The following LYN variants were observed in gnomAD, a reference collection of about 807,000 sequenced individuals.
LYN encodes the protein tyrosine-protein kinase Lyn.
A neutral mutation model predicts 65.0 loss-of-function variants in LYN; 12 were observed. The ratio of observed to expected loss-of-function variants is 0.18; its 90% CI spans 0.12 to 0.30. LYN has a LOEUF of 0.30. Ranked by LOEUF, LYN falls within the 10% of genes least tolerant of loss-of-function variation. LYN has a pLI of 1.00. For missense variants in LYN, 380 were observed against 623.2 expected (o/e 0.61, Z 4.16); for synonymous variants, 222 against 221.2 (o/e 1.00, Z -0.03).
chr8:55,923,194 A>C (rs1805994862), intron 1 of LYN, among the ~76,000 whole-genome samples: 1 of 152,172 alleles, frequency 6.6e-6, no homozygotes, highest in African/African-American at 2.4e-5. Context: ...GTAATTTAAA[A>C]ATTTTTTGAA....
intron 1 of LYN, among the ~76,000 whole-genome samples, chr8:55,925,273 C>T (rs1806074188): frequency 6.6e-6 from 1 of 151,996 alleles, no homozygotes; most frequent in African/African-American, 2.4e-5. Context: ...CAGGCGTACA[C>T]CACCATGCCT....
At chr8:55,982,563 C>T (rs1035281070) in intron 10 of LYN, among the ~76,000 whole-genome samples, 6 of 152,154 alleles carry the variant, frequency 3.9e-5, no homozygotes, top group African/African-American at 7.2e-5. Context: ...TTGGAGTCCA[C>T]GCCATCAGAC....
intron 10 of LYN, among the ~76,000 whole-genome samples, chr8:55,976,039 A>G (rs1807742242): frequency 6.6e-6 from 1 of 152,122 alleles, no homozygotes; most frequent in Admixed American, 6.5e-5. Context: ...GTGCTACCGT[A>G]AGTCACAAAA....
At chr8:55,961,242 G>A (rs943859468) in intron 8 of LYN, among the ~76,000 whole-genome samples, 5 of 152,120 alleles carry the variant, frequency 3.3e-5, no homozygotes, top group African/African-American at 1.2e-4. Context: ...TGCCACATCA[G>A]CTTTCTTTAA....
rs2130605977 is a variant in LYN at position 56,010,735 on chromosome 8, A to T, written c.*625A>T. The stretch of plus-strand genomic sequence containing the variant: ...TGAACACTGCTCAGACCTGCTAGAC[A>T]TGCCATAGGAGTGGCGTGCACATCT... On this transcript the variant is annotated 3_prime_UTR_variant, in exon 13 of 13. Coordinates refer to ENST00000519728, the MANE Select transcript of LYN (RefSeq NM_002350.4). 4.4e-6 allele frequency: 1 copy of T among 225,152 alleles called. No homozygotes were observed. Among genetic ancestry groups the T allele is most frequent in the African/African-American group, 2.3e-5 (1 of 44,414 alleles). 13.9% of individuals were successfully genotyped at this position (225,152 alleles called of 1,614,324 possible).
chr8:55,907,282 A>G (rs1175414040), intron 1 of LYN, among the ~76,000 whole-genome samples: 1 of 152,216 alleles, frequency 6.6e-6, no homozygotes, highest in African/African-American at 2.4e-5. Flanking sequence ...TATATTCAAC[A>G]CTGATTGAAT....
At chr8:55,896,153 C>T (rs2130372012) in intron 1 of LYN, among the ~76,000 whole-genome samples, 1 of 151,836 alleles carries the variant, frequency 6.6e-6, no homozygotes, top group Admixed American at 6.6e-5. Flanking sequence ...CCCTGTCATC[C>T]TAGCTGCTCT....
At chr8:55,946,360 C>A in intron 2 of LYN, 88 bp from the exon 3 acceptor site, 1 of 841,798 alleles carries the variant, frequency 1.2e-6, no homozygotes, top group Non-Finnish European at 2.0e-6. Context: ...CTAACATCTG[C>A]TACTGTTACA....
At chr8:55,936,233 T>A (rs1462074352) in intron 1 of LYN, among the ~76,000 whole-genome samples, 1 of 152,178 alleles carries the variant, frequency 6.6e-6, no homozygotes, top group African/African-American at 2.4e-5. Flanking sequence ...CACCTCTATT[T>A]CCCCAGGCTT....
At chr8:55,929,870 T>C (rs1806209749) in intron 1 of LYN, among the ~76,000 whole-genome samples, 1 of 152,212 alleles carries the variant, frequency 6.6e-6, no homozygotes, top group South Asian at 2.1e-4. Flanking sequence ...GTCCTCTAGA[T>C]CAGGCATCCC....
At chr8:55,981,474 A>G (rs1807920042) in intron 10 of LYN, among the ~76,000 whole-genome samples, 1 of 152,204 alleles carries the variant, frequency 6.6e-6, no homozygotes, top group South Asian at 2.1e-4. Context: ...TCTGCTTCAT[A>G]CAGCTCTGAA....
rs548351760 is a variant in LYN, at chr8:56,001,058, G to C, written c.1336+1509G>C. Among the ~76,000 whole-genome samples the C allele has an allele frequency of 7.9e-5, 12 of 152,156 alleles. No individual in the cohort carries two copies. The South Asian group carries it at 8.3e-4, about 11-fold the overall frequency. On this transcript the variant is annotated intron_variant, in intron 12 of 12. Coordinates refer to ENST00000519728, the MANE Select transcript of LYN (RefSeq NM_002350.4). ...AGGGATTGGCGAGTACTCACAGAAG[G>C]GGGTGGGGAGCTGCTGGTTTTATTC...
chr8:55,916,699 T>C (rs1167885511), intron 1 of LYN, among the ~76,000 whole-genome samples: 1 of 152,202 alleles, frequency 6.6e-6, no homozygotes, highest in Non-Finnish European at 1.5e-5. Flanking sequence ...TCTGGCTCCA[T>C]ACTGGAAATG....
At chr8:55,983,011 C>G (rs535025234) in intron 10 of LYN, among the ~76,000 whole-genome samples, 3 of 152,082 alleles carry the variant, frequency 2.0e-5, no homozygotes, top group Non-Finnish European at 4.4e-5. Flanking sequence ...CCATGTCACA[C>G]GCACCTGGTA....
chr8:55,964,339 T>G (rs1218631522), intron 8 of LYN, among the ~76,000 whole-genome samples: 1 of 152,124 alleles, frequency 6.6e-6, no homozygotes, highest in African/African-American at 2.4e-5. Context: ...ATTACAGGCA[T>G]GAACCACCTT....
rs1450616523 is a variant in LYN, at chr8:55,952,082, C to G, written c.604C>G (p.Pro202Ala). 8 of 1,601,270 alleles carry G rather than the reference C, an allele frequency of 5.0e-6. No homozygotes were observed. Residue 202 changes from proline to alanine, a missense_variant, in exon 7 of 13, where the codon CCC becomes GCC. Physicochemically the swap from Pro to Ala is conservative, Grantham distance 27. Transcript: ENST00000519728. ...TTACATCTCTCCACGAATCACTTTT[C>G]CCTGTATCAGCGACATGATTAAACA... is the stretch of plus-strand genomic sequence containing the variant. ...GYYISPRITF[P>A]CISDMIKHYQ...
chr8:55,940,945 C>G (rs1430658610), intron 1 of LYN, among the ~76,000 whole-genome samples: 1 of 152,140 alleles, frequency 6.6e-6, no homozygotes, highest in Non-Finnish European at 1.5e-5. Flanking sequence ...CTTTTACCTG[C>G]GCTAGTACTC....
At chr8:55,997,746 G>GATGA (rs1808412053) in intron 10 of LYN, among the ~76,000 whole-genome samples, 1 of 152,230 alleles carries the variant, frequency 6.6e-6, no homozygotes, top group Non-Finnish European at 1.5e-5. Flanking sequence ...TATCTACATG[G>GATGA]ATGAATTTAG....
chr8:56,000,240 G>T (rs1808477005), intron 12 of LYN, among the ~76,000 whole-genome samples: 1 of 152,186 alleles, frequency 6.6e-6, no homozygotes. Flanking sequence ...TTTGTAATAA[G>T]TGCCCTGGAG....
Sources: allele counts gnomAD v4.1 joint callset (sites outside exome capture counted in the v4.1 genomes callset), GRCh38; gene constraint gnomAD v4.1.1; transcripts MANE v1.5; gene names NCBI Gene and HGNC (gene_info 2026-07-23, HGNC 2026-07-21).